CLEC16A: variants seen among roughly 807,000 people sequenced by gnomAD.
CLEC16A encodes protein CLEC16A.
Under a neutral mutation model 109.5 loss-of-function variants are expected in CLEC16A, and 51 were observed. That is an observed-to-expected ratio of 0.47 (90% confidence interval 0.37 to 0.59). The LOEUF (loss-of-function observed/expected upper bound fraction) is 0.59. Ranked by LOEUF, CLEC16A falls within the 20% of genes least tolerant of loss-of-function variation. The pLI is 0.00. For synonymous variants in CLEC16A, 673 were observed against 564.2 expected, an observed-to-expected ratio of 1.19 and a Z score of -2.73; for missense variants, 1,339 against 1,394.0, an observed-to-expected ratio of 0.96 and a Z score of 0.63.
At chr16:11,108,048 C>T (rs995705262) in intron 19 of CLEC16A, among the ~76,000 whole-genome samples, 1 of 152,222 alleles carries the variant, frequency 6.6e-6, no homozygotes, top group East Asian at 1.9e-4. Context: ...CCTCAAGTCA[C>T]CAATGTAATT....
At chr16:11,123,605 T>C in intron 20 of CLEC16A, 137 bp from the exon 21 acceptor site, 2 of 797,280 alleles carry the variant, frequency 2.5e-6, no homozygotes, top group South Asian at 1.7e-5. Context: ...CTGTTGGACT[T>C]GGGAGGCTGT....
In CLEC16A at chr16:11,181,816, C is replaced by A. The variant is rs541361554; in HGVS notation, c.*3126C>A. 6.5e-6 allele frequency: 1 copy of A among 152,762 alleles called. No homozygotes were observed. Among genetic ancestry groups the A allele is most frequent in the South Asian group, 2.1e-4 (1 of 4,826 alleles). The allele number at this position is 152,762 out of a possible 1,614,324, so 9.5% of individuals were successfully genotyped here. On this transcript the variant is annotated 3_prime_UTR_variant, in exon 24 of 24. Transcript: ENST00000409790. The stretch of plus-strand genomic sequence containing the variant: ...TGAAGAAGCGCAGCCCTGCCAGACG[C>A]GCTAGATTCCTCTAAGGTCTCTGAG...
At chr16:11,053,561 G>A (rs190537255) in intron 18 of CLEC16A, among the ~76,000 whole-genome samples, 48 of 152,080 alleles carry the variant, frequency 3.2e-4, no homozygotes, top group Admixed American at 1.2e-3. Flanking sequence ...TGTAGAAATG[G>A]GGTTTTGCCA....
At chr16:11,020,684 G>C (rs2046047121) in intron 12 of CLEC16A, among the ~76,000 whole-genome samples, 1 of 152,220 alleles carries the variant, frequency 6.6e-6, no homozygotes, top group Non-Finnish European at 1.5e-5. Flanking sequence ...AGCTGGGCTT[G>C]GATCTCCCTG....
intron 10 of CLEC16A, among the ~76,000 whole-genome samples, chr16:10,993,996 C>T (rs1005496744): frequency 1.1e-4 from 17 of 152,184 alleles, no homozygotes; most frequent in African/African-American, 4.1e-4. Flanking sequence ...ATTGCAGCAC[C>T]ATCTTGACGT....
chr16:11,016,264 G>A (rs1440673383), intron 11 of CLEC16A, among the ~76,000 whole-genome samples: 2 of 152,152 alleles, frequency 1.3e-5, no homozygotes, highest in Non-Finnish European at 2.9e-5. Context: ...AAGGAGGCTG[G>A]TGAAGGTGAA....
At chr16:11,170,512 G>A (rs1040938900) in intron 23 of CLEC16A, among the ~76,000 whole-genome samples, 4 of 152,276 alleles carry the variant, frequency 2.6e-5, no homozygotes, top group African/African-American at 4.8e-5. Context: ...TCACCTTCCC[G>A]TGGGGACCTC....
intron 23 of CLEC16A, among the ~76,000 whole-genome samples, chr16:11,168,007 C>T (rs1216891521): frequency 1.3e-5 from 2 of 152,216 alleles, no homozygotes; most frequent in Non-Finnish European, 2.9e-5. Context: ...TGAAAGCTTC[C>T]TTGCCCTTGT....
At position 11,044,025 on chromosome 16, in the gene CLEC16A, C is replaced by T; in HGVS notation, c.1771-3C>T. 6.2e-7 allele frequency: 1 copy of T among 1,604,818 alleles called. No homozygotes were observed. Among genetic ancestry groups the T allele is most frequent in the Non-Finnish European group, 8.5e-7 (1 of 1,174,886 alleles). ...CCTTCACACCTTCCTTCTCTTTTAACAGGGTGCGAGAGAAGAAAGTGTTCA... is the reference window on the plus strand; with the variant it reads ...CCTTCACACCTTCCTTCTCTTTTAATAGGGTGCGAGAGAAGAAAGTGTTCA... On this transcript the variant is annotated splice_polypyrimidine_tract_variant and splice_region_variant and intron_variant, in intron 15 of 23. Coordinates refer to ENST00000409790, the MANE Select transcript of CLEC16A (RefSeq NM_015226.3).
At chr16:11,146,044 G>T (rs1183923891) in intron 22 of CLEC16A, among the ~76,000 whole-genome samples, 1 of 152,184 alleles carries the variant, frequency 6.6e-6, no homozygotes, top group African/African-American at 2.4e-5. Flanking sequence ...TATTTGGAGG[G>T]CCCTGACCTG....
chr16:11,159,276 C>A lies in CLEC16A; in HGVS notation c.2642-7112C>A, dbSNP rs41373. ...GACTGCATGTATTAGCATGCCTGCA[C>A]TGTTGTTTTAATAGAAGAGAATGGT... On this transcript the variant is annotated intron_variant, in intron 22 of 23. Coordinates refer to ENST00000409790, the MANE Select transcript of CLEC16A (RefSeq NM_015226.3). Among the ~76,000 whole-genome samples, 287 of 152,310 alleles carry A rather than the reference C, an allele frequency of 1.9e-3. 2 individuals carry two copies. Among genetic ancestry groups the A allele is most frequent in the African/African-American group, 6.7e-3 (278 of 41,562 alleles).
At chr16:11,088,607 A>C (rs1597346622) in intron 19 of CLEC16A, among the ~76,000 whole-genome samples, 1 of 152,178 alleles carries the variant, frequency 6.6e-6, no homozygotes, top group South Asian at 2.1e-4. Flanking sequence ...CAGGAAGTGC[A>C]CCAGGCCCCC....
intron 23 of CLEC16A, among the ~76,000 whole-genome samples, chr16:11,173,228 CCTT>C (rs1296339269): frequency 6.6e-6 from 1 of 152,204 alleles, no homozygotes; most frequent in Non-Finnish European, 1.5e-5. Flanking sequence ...GTGGCATCAT[CCTT>C]TTTTATTGTG....
chr16:11,161,500 G>A (rs1040642851), intron 22 of CLEC16A, among the ~76,000 whole-genome samples: 4 of 152,162 alleles, frequency 2.6e-5, no homozygotes, highest in Non-Finnish European at 5.9e-5. Flanking sequence ...CTAGGCTGCT[G>A]GAGGCAGATC....
At chr16:11,032,346 G>A (rs887402728) in intron 13 of CLEC16A, among the ~76,000 whole-genome samples, 2 of 152,178 alleles carry the variant, frequency 1.3e-5, no homozygotes, top group African/African-American at 4.8e-5. Context: ...GGGGGCAGTT[G>A]GTCAGTTAGT....
chr16:11,009,855 G>A (rs1274792951), intron 11 of CLEC16A, among the ~76,000 whole-genome samples: 1 of 152,214 alleles, frequency 6.6e-6, no homozygotes, highest in East Asian at 1.9e-4. Flanking sequence ...TACAGGGAGA[G>A]CCTTAAAGAA....
intron 4 of CLEC16A, 65 bp downstream of exon 4, chr16:10,969,374 T>C: frequency 1.0e-6 from 1 of 989,048 alleles, no homozygotes; most frequent in Non-Finnish European, 1.5e-6. Context: ...TTTTTTTTTT[T>C]ACGGCAGCGC....
intron 19 of CLEC16A, among the ~76,000 whole-genome samples, chr16:11,086,134 C>A (rs2049995756): frequency 6.6e-6 from 1 of 152,196 alleles, no homozygotes; most frequent in South Asian, 2.1e-4. Flanking sequence ...AGGCTTGTTT[C>A]CAGGGAACTT....
At position 10,999,713 on chromosome 16, in the gene CLEC16A, A is replaced by G. The variant is rs914623949; in HGVS notation, c.1072-3361A>G. Among the ~76,000 whole-genome samples the G allele has an allele frequency of 9.2e-5, 14 of 152,336 alleles. 1 individual carries two copies. The South Asian group carries it at 2.1e-3, about 23-fold the overall frequency. On this transcript the variant is annotated intron_variant, in intron 10 of 23. Coordinates refer to ENST00000409790, the MANE Select transcript of CLEC16A (RefSeq NM_015226.3). ...CACTGAGAAAAGTAGATCCCTTTGG[A>G]AAGTTTTAAAATTCATTCTTGCAGC...
Sources: gnomAD v4.1 joint callset for allele counts (sites outside exome capture counted in the v4.1 genomes callset) on GRCh38, gnomAD v4.1.1 for gene constraint, MANE v1.5 for transcripts, NCBI Gene and HGNC (gene_info 2026-07-23, HGNC 2026-07-21) for gene names.